The following AQR variants were observed in gnomAD, a reference collection of about 807,000 sequenced individuals.
AQR encodes RNA helicase aquarius.
Under a neutral mutation model 180.5 loss-of-function variants are expected in AQR, and 61 were observed. The observed-to-expected ratio is 0.34, with a 90% CI of 0.28 to 0.42. The LOEUF (loss-of-function observed/expected upper bound fraction) is 0.42, where lower values mean the gene tolerates loss of function less well. AQR is among the 10% of genes least tolerant of loss of function. The pLI, the probability that AQR is intolerant of heterozygous loss-of-function variation, is 1.00. For missense variants in AQR, 1,281 were observed against 1,798.3 expected, an observed-to-expected ratio of 0.71 and a Z score of 5.20; for synonymous variants, 551 against 588.8, an observed-to-expected ratio of 0.94 and a Z score of 0.93.
chr15:34,941,746 T>C (rs555648965), intron 7 of AQR, among the ~76,000 whole-genome samples: 1 of 152,356 alleles, frequency 6.6e-6, no homozygotes, highest in African/African-American at 2.4e-5. Flanking sequence ...TAGTCTCATC[T>C]ATACTTTGCT....
chr15:34,956,513 A>C (rs1399788222), intron 3 of AQR, among the ~76,000 whole-genome samples: 1 of 152,052 alleles, frequency 6.6e-6, no homozygotes, highest in Non-Finnish European at 1.5e-5. Context: ...TTAGCAAGGC[A>C]TGGTGGCACA....
rs112462687 is a variant in AQR at position 34,896,366 on chromosome 15, T to C, written c.2460+531A>G. Among the ~76,000 whole-genome samples, 1,093 of 152,190 alleles carry C rather than the reference T, an allele frequency of 7.2e-3. 10 individuals carry two copies. Among genetic ancestry groups the C allele is most frequent in the Admixed American group, 0.03 (460 of 15,290 alleles). On this transcript the variant is annotated intron_variant, in intron 22 of 34. Coordinates refer to ENST00000156471, the MANE Select transcript of AQR (RefSeq NM_014691.3). Reference sequence around the variant, plus strand: ...GTCAATTAAAAATAAAACAAAACTTTTAAAAAATGGGCAGTCATGTTCTAA... The same window carrying C: ...GTCAATTAAAAATAAAACAAAACTTCTAAAAAATGGGCAGTCATGTTCTAA...
rs187345185 is a variant in AQR, at chr15:34,874,513, C to T, written c.3425+164G>A. ...AAGGAAATAAATTATTTGGTCCATT[C>T]ACATCTCTTGCAGAAGTCGACAAAA... is the stretch of plus-strand genomic sequence containing the variant. On this transcript the variant is annotated intron_variant, in intron 29 of 34. Coordinates refer to ENST00000156471, the MANE Select transcript of AQR (RefSeq NM_014691.3). 8.8e-5 allele frequency: 57 copies of T among 644,308 alleles called. No homozygotes were observed. In the African/African-American group the frequency reaches 9.2e-4, roughly 10 times the overall value. The allele number at this position is 644,308 out of a possible 1,614,324, so 39.9% of individuals were successfully genotyped here. A position where few individuals can be genotyped will look rare whatever the true frequency, so the allele number is the denominator to read the frequency against.
At chr15:34,961,372 G>A (rs2050276108) in intron 2 of AQR, among the ~76,000 whole-genome samples, 1 of 152,050 alleles carries the variant, frequency 6.6e-6, no homozygotes, top group African/African-American at 2.4e-5. Context: ...AGCACTTTGG[G>A]AGGCCGAAGA....
intron 3 of AQR, among the ~76,000 whole-genome samples, chr15:34,958,982 TATAGATATAGATATAG>T (rs1453520350): frequency 5.4e-4 from 7 of 12,924 alleles, no homozygotes; most frequent in Non-Finnish European, 3.5e-3. Flanking sequence ...GATATATAGA[TATAGATATAGATATAG>T]ATATAGATAT....
intron 2 of AQR, 131 bp downstream of exon 2, chr15:34,964,103 A>C (rs1389569784): frequency 2.9e-6 from 2 of 691,860 alleles, no homozygotes; most frequent in African/African-American, 3.6e-5. Context: ...TTTGATAAGC[A>C]AAAAATTGTA....
intron 17 of AQR, among the ~76,000 whole-genome samples, chr15:34,908,252 A>G (rs1035094084): frequency 6.6e-6 from 1 of 152,142 alleles, no homozygotes; most frequent in Non-Finnish European, 1.5e-5. Flanking sequence ...CCTGGCCAAG[A>G]TGGTGAAACC....
intron 8 of AQR, among the ~76,000 whole-genome samples, chr15:34,939,632 G>T (rs149178206): frequency 6.6e-6 from 1 of 151,998 alleles, no homozygotes; most frequent in African/African-American, 2.4e-5. Context: ...ATCAAGTATC[G>T]TACAGCTGTA....
At position 34,893,691 on chromosome 15, in the gene AQR, C is replaced by T; in HGVS notation, c.2543G>A (p.Arg848Lys). ...SNIYHNFPEQ[R>K]TLIVTHSNQA... ...ATTGGAATGAGTAACAATTAGAGTC[C>T]TCTGTTCTGGGAAGTTGTGGTAGAT... The change falls in exon 23 of 35, where the codon AGG becomes AAG. Residue 848 changes from arginine (R) to lysine (K), a missense_variant. By Grantham distance (26) the Arg-to-Lys change is conservative. Coordinates refer to ENST00000156471, the MANE Select transcript of AQR (RefSeq NM_014691.3). 6.2e-7 allele frequency: 1 copy of T among 1,612,400 alleles called. No homozygotes were observed. The highest frequency in any genetic ancestry group is 8.5e-7 in the Non-Finnish European group (1 of 1,179,456).
intron 1 of AQR, among the ~76,000 whole-genome samples, chr15:34,969,242 T>C (rs1352107907): frequency 2.6e-5 from 4 of 152,118 alleles, no homozygotes; most frequent in Admixed American, 1.3e-4. Context: ...TCTGAATCCA[T>C]TGCTCCTGAG....
intron 19 of AQR, among the ~76,000 whole-genome samples, chr15:34,901,796 T>C (rs1487392887): frequency 1.3e-5 from 2 of 152,196 alleles, no homozygotes; most frequent in Non-Finnish European, 2.9e-5. Flanking sequence ...CTATCATTTG[T>C]TTAATCCCTA....
rs968366999 is a variant in AQR at position 34,862,761 on chromosome 15, C to G, written c.4029+106G>C. The G allele has an allele frequency of 2.3e-5, 28 of 1,234,138 alleles. No individual in the cohort carries two copies. The African/African-American group carries it at 3.5e-4, about 16-fold the overall frequency. The allele number at this position is 1,234,138 out of a possible 1,614,324, so 76.4% of individuals were successfully genotyped here. On this transcript the variant is annotated intron_variant, in intron 33 of 34. Transcript: ENST00000156471. ...AGTGCAGCACACTCTAAAACAGGGA[C>G]TAAATTATCTATAATAATGTTCCAA...
chr15:34,919,877 G>A (rs573856281), intron 14 of AQR, among the ~76,000 whole-genome samples: 3 of 151,780 alleles, frequency 2.0e-5, no homozygotes, highest in South Asian at 4.2e-4. Context: ...CAGCCTGGGC[G>A]ACAGAGAGAG....
chr15:34,928,193 A>AT (rs112026434), intron 12 of AQR, among the ~76,000 whole-genome samples: 62 of 148,848 alleles, frequency 4.2e-4, no homozygotes, highest in Non-Finnish European at 6.7e-4. Flanking sequence ...AAAAACAGAG[A>AT]TTTTTTTTTT....
chr15:34,892,215 T>C (rs77716835), intron 23 of AQR, among the ~76,000 whole-genome samples: 20,189 of 152,178 alleles, frequency 0.13, 1,601 homozygotes, highest in East Asian at 0.3. Context: ...ATGTTACTTG[T>C]TCTTCCCTCA....
Position 34,915,165 on chromosome 15 carries a change from G to C in AQR, c.1357C>G (p.Pro453Ala). 6.3e-7 allele frequency: 1 copy of C among 1,594,528 alleles called. No individual in the cohort carries two copies. Among genetic ancestry groups the C allele is most frequent in the African/African-American group, 1.4e-5 (1 of 73,740 alleles). Residue 453 changes from proline to alanine, a missense_variant, in exon 16 of 35, where the codon CCC (proline) becomes GCC (alanine). Transcript: ENST00000156471. The stretch of plus-strand genomic sequence containing the variant: ...GTCAAAAACTGCAAATTCAATTTGG[G>C]AAGAGCAAGACAACCTGAAAAGGAA... ...YYSGEGCLAL[P>A]KLNLQFLTLH...
At chr15:34,898,882 C>A (rs1893288470) in intron 20 of AQR, among the ~76,000 whole-genome samples, 2 of 141,238 alleles carry the variant, frequency 1.4e-5, no homozygotes, top group South Asian at 4.6e-4. Flanking sequence ...AAAAAACTAT[C>A]CTTGGCCGGG....
At chr15:34,881,596 T>C (rs563873609) in intron 27 of AQR, among the ~76,000 whole-genome samples, 207 of 152,278 alleles carry the variant, frequency 1.4e-3, no homozygotes, top group African/African-American at 4.9e-3. Flanking sequence ...TTCAAGTGAG[T>C]CACAGATTAA....
chr15:34,904,350 C>A lies in AQR; in HGVS notation c.1987G>T (p.Glu663Ter). 6.3e-7 allele frequency: 1 copy of A among 1,585,752 alleles called. No homozygotes were observed. Among genetic ancestry groups the A allele is most frequent in the South Asian group, 1.2e-5 (1 of 84,228 alleles). Reference protein sequence around the residue: ...FNIIMRRKPKENNFKAVLETI... With the variant: ...FNIIMRRKPK ...CCCCAAATTACCTTAAAGTTATTTTCCTTTGGTTTTCTCCTCATTATTATA... is the reference window on the plus strand; with the variant it reads ...CCCCAAATTACCTTAAAGTTATTTTACTTTGGTTTTCTCCTCATTATTATA... The change falls in exon 19 of 35, where the codon GAA becomes TAA. Residue 663 changes from glutamate to a stop codon, truncating the protein, a stop_gained. Coordinates refer to ENST00000156471, the MANE Select transcript of AQR (RefSeq NM_014691.3). LOFTEE classifies it high-confidence loss of function.
Sources: allele counts gnomAD v4.1 joint callset (sites outside exome capture counted in the v4.1 genomes callset), GRCh38; gene constraint gnomAD v4.1.1; transcripts MANE v1.5; gene names NCBI Gene and HGNC (gene_info 2026-07-23, HGNC 2026-07-21).